Variants in CXCL12 observed in about 807,000 individuals in gnomAD.
CXCL12 encodes stromal cell-derived factor 1.
Under a neutral mutation model 10.7 loss-of-function variants are expected in CXCL12, and 4 were observed. The observed-to-expected ratio is 0.37, with a 90% CI of 0.18 to 0.86. The LOEUF (loss-of-function observed/expected upper bound fraction) is 0.86. Ranked by LOEUF, CXCL12 falls within the 40% of genes least tolerant of loss-of-function variation. The probability of loss-of-function intolerance (pLI) is 0.43; values close to 1 mark genes in which losing one functional copy is unlikely to be tolerated. For synonymous variants in CXCL12, 54 were observed against 45.4 expected (o/e 1.19, Z -0.77); for missense variants, 122 against 110.4 (o/e 1.10, Z -0.47).
At chr10:44,379,640 ATTC>A (rs1839567091) in intron 2 of CXCL12, among the ~76,000 whole-genome samples, 1 of 152,172 alleles carries the variant, frequency 6.6e-6, no homozygotes, top group African/African-American at 2.4e-5. Context: ...TCTGGGGCCT[ATTC>A]TTTGTTAATT....
chr10:44,374,181 A>T (rs1379899848), downstream of CXCL12: 1 of 338,374 alleles, frequency 3.0e-6, no homozygotes, highest in East Asian at 7.6e-5. Flanking sequence ...GTGGGATAGC[A>T]AGCAGTTTGT....
At chr10:44,380,725 A>G (rs780537479) in intron 2 of CXCL12, 38 bp downstream of exon 2, 65 of 1,525,174 alleles carry the variant, frequency 4.3e-5, no homozygotes, top group Middle Eastern at 1.7e-4. Flanking sequence ...GTTAGATGCA[A>G]CTATGTTCGT....
downstream of CXCL12, chr10:44,372,685 A>G (rs1417970669): frequency 1.1e-5 from 15 of 1,415,728 alleles, no homozygotes; most frequent in Non-Finnish European, 1.4e-5. Context: ...GAGACAGAGA[A>G]TGATGAGCAG....
In CXCL12 at chr10:44,380,870, G is replaced by C. The variant is rs1839609844; in HGVS notation, c.72C>G (p.Val24=). 1.2e-6 allele frequency: 2 copies of C among 1,614,184 alleles called. No individual in the cohort carries two copies. The highest frequency in any genetic ancestry group is 1.3e-5 in the African/African-American group (1 of 75,066). The part of the protein sequence containing the change: ...TALCLSDGKP[V]SLSYRCPCRF... The stretch of plus-strand genomic sequence containing the variant: ...GGCATGGGCATCTGTAGCTCAGGCT[G>C]ACGGGCTTCCCTAGAAGAGGTAAGG... The change falls in exon 2 of 3, where the codon GTC becomes GTG. Residue 24 remains valine (V), a synonymous_variant. Transcript: ENST00000343575.
downstream of CXCL12, among the ~76,000 whole-genome samples, chr10:44,375,198 A>G (rs772063578): frequency 2.0e-5 from 3 of 152,210 alleles, no homozygotes; most frequent in Non-Finnish European, 4.4e-5. Flanking sequence ...TTGCCCAAAG[A>G]GGAGCTCCCT....
chr10:44,377,019 C>T (rs534494659), downstream of CXCL12: 2 of 890,526 alleles, frequency 2.2e-6, no homozygotes, highest in African/African-American at 1.8e-5. Context: ...GTCTCAGACA[C>T]CTGACTGCAG....
rs1394616303 is a variant in CXCL12 at position 44,378,676 on chromosome 10, A to G, written c.227T>C (p.Leu76Pro). Residue 76 changes from leucine to proline, a missense_variant, in exon 3 of 3, where the codon CTA becomes CCA. Physicochemically the swap from Leu to Pro is moderately conservative, Grantham distance 98. Coordinates refer to ENST00000343575, the MANE Select transcript of CXCL12 (RefSeq NM_199168.4). ...NNRQVCIDPK[L>P]KWIQEYLEKA... is the part of the protein sequence containing the mutation. ...CTCCAGGTACTCCTGAATCCACTTT[A>G]GCTTCGGGTCAATGCACACTTGTCT... 6.2e-7 allele frequency: 1 copy of G among 1,614,188 alleles called. No individual in the cohort carries two copies. The highest frequency in any genetic ancestry group is 1.1e-5 in the South Asian group (1 of 91,080).
downstream of CXCL12, chr10:44,374,817 T>C (rs1254296414): frequency 7.7e-6 from 3 of 391,578 alleles, no homozygotes; most frequent in Non-Finnish European, 1.5e-5. Flanking sequence ...CGGGTGTTTA[T>C]GTGAGGTGGA....
chr10:44,381,049 A>G (rs1839616781), intron 1 of CXCL12, among the ~76,000 whole-genome samples, 169 bp from the exon 2 acceptor site: 1 of 152,192 alleles, frequency 6.6e-6, no homozygotes, highest in Admixed American at 6.5e-5. Context: ...CAGGCAACAC[A>G]GTGAGTGCTG....
chr10:44,373,957 A>G (rs1839384723), downstream of CXCL12, among the ~76,000 whole-genome samples: 1 of 152,168 alleles, frequency 6.6e-6, no homozygotes, highest in Admixed American at 6.5e-5. Context: ...TCAACCCACC[A>G]GGAATCCCGG....
At chr10:44,373,978 C>T (rs574853777), downstream of CXCL12, among the ~76,000 whole-genome samples, 1 of 152,330 alleles carries the variant, frequency 6.6e-6, no homozygotes, top group Non-Finnish European at 1.5e-5. Context: ...TCAGGCTCTT[C>T]ACTCTTCCAC....
chr10:44,377,979 A>AG lies in CXCL12; in HGVS notation c.*653dup. 1 of 1,517,058 alleles carries AG rather than the reference A, an allele frequency of 6.6e-7. No individual in the cohort carries two copies. Among genetic ancestry groups the AG allele is most frequent in the Non-Finnish European group, 8.8e-7 (1 of 1,142,808 alleles). The allele number at this position is 1,517,058 out of a possible 1,614,324, so 94.0% of individuals were successfully genotyped here. A position where few individuals can be genotyped will look rare whatever the true frequency, so the allele number is the denominator to read the frequency against. On this transcript the variant is annotated 3_prime_UTR_variant, in exon 3 of 3. Transcript: ENST00000343575. Reference sequence around the variant, plus strand: ...GGGAGAGAGTAGGAATAGCTGGGAGAGGGGTCTCTGAGCACAGTCCCAGTA... The same window carrying AG: ...GGGAGAGAGTAGGAATAGCTGGGAGAGGGGGTCTCTGAGCACAGTCCCAGTA...
downstream of CXCL12, chr10:44,372,873 A>C (rs1839348593): frequency 3.9e-6 from 6 of 1,533,070 alleles, no homozygotes; most frequent in East Asian, 1.5e-4. Context: ...CCCATCCCAC[A>C]GAGAGAAGCC....
chr10:44,383,249 T>C (rs1271228072), intron 1 of CXCL12, among the ~76,000 whole-genome samples: 1 of 152,154 alleles, frequency 6.6e-6, no homozygotes, highest in Non-Finnish European at 1.5e-5. Flanking sequence ...CAAAACATTC[T>C]GGCGATGTGT....
chr10:44,378,986 G>A (rs141125192), intron 2 of CXCL12, among the ~76,000 whole-genome samples: 1 of 152,068 alleles, frequency 6.6e-6, no homozygotes. Flanking sequence ...GGGAGCATTT[G>A]AGCTGCCTTT....
chr10:44,374,214 G>A (rs761087613), downstream of CXCL12: 8 of 346,024 alleles, frequency 2.3e-5, no homozygotes, highest in South Asian at 1.6e-4. Flanking sequence ...CCTTAGCTGG[G>A]CCCTCTGTCC....
In CXCL12 at chr10:44,378,044, A is replaced by C; in HGVS notation, c.*589T>G. ...ATGGAGCCCACAGAGCCAATCACTG[A>C]GGTTGAAAGAGGAGGTGAAGGCAGT... is the stretch of plus-strand genomic sequence containing the variant. On this transcript the variant is annotated 3_prime_UTR_variant, in exon 3 of 3. Coordinates refer to ENST00000343575, the MANE Select transcript of CXCL12 (RefSeq NM_199168.4). The C allele has an allele frequency of 6.8e-7, 1 of 1,479,586 alleles. No homozygotes were observed. The highest frequency in any genetic ancestry group is 1.3e-5 in the South Asian group (1 of 74,766). The allele number at this position is 1,479,586 out of a possible 1,614,324, so 91.7% of individuals were successfully genotyped here.
In CXCL12 at chr10:44,380,881, C is replaced by T; in HGVS notation, c.62-1G>A. On this transcript the variant is annotated splice_acceptor_variant, in intron 1 of 2. Transcript: ENST00000343575. LOFTEE classifies it high-confidence loss of function. ...CTGTAGCTCAGGCTGACGGGCTTCC[C>T]TAGAAGAGGTAAGGACAACAAGGCA... 6.2e-7 allele frequency: 1 copy of T among 1,613,980 alleles called. No homozygotes were observed. Among genetic ancestry groups the T allele is most frequent in the Non-Finnish European group, 8.5e-7 (1 of 1,179,866 alleles).
chr10:44,375,953 T>A, downstream of CXCL12: 1 of 1,612,282 alleles, frequency 6.2e-7, no homozygotes, highest in Non-Finnish European at 8.5e-7. Flanking sequence ...TTTTTCCTTT[T>A]CTGGGCAGCC....
Sources: gnomAD v4.1 joint callset for allele counts (sites outside exome capture counted in the v4.1 genomes callset) on GRCh38, gnomAD v4.1.1 for gene constraint, MANE v1.5 for transcripts, NCBI Gene and HGNC (gene_info 2026-07-23, HGNC 2026-07-21) for gene names.